The following ME3 variants were observed in gnomAD, a reference collection of about 807,000 sequenced individuals.
ME3 encodes malic enzyme 3.
A neutral mutation model predicts 68.9 loss-of-function variants in ME3; 48 were observed. That is an observed-to-expected ratio of 0.70 (90% CI 0.55 to 0.89). The LOEUF (loss-of-function observed/expected upper bound fraction) is 0.89, where lower values mean the gene tolerates loss of function less well. Ranked by LOEUF, ME3 falls within the 40% of genes least tolerant of loss-of-function variation. The probability of loss-of-function intolerance (pLI) is 0.00; values close to 1 mark genes in which losing one functional copy is unlikely to be tolerated. For missense variants in ME3, 675 were observed against 797.4 expected, an observed-to-expected ratio of 0.85 and a Z score of 1.85; for synonymous variants, 320 against 318.8, an observed-to-expected ratio of 1.00 and a Z score of -0.04.
At chr11:86,647,025 C>A (rs1242238141) in intron 2 of ME3, among the ~76,000 whole-genome samples, 2 of 152,154 alleles carry the variant, frequency 1.3e-5, no homozygotes, top group Non-Finnish European at 2.9e-5. Context: ...ACTACCAGGC[C>A]TGCCTTACAA....
At chr11:86,541,983 A>T (rs937679451) in intron 4 of ME3, among the ~76,000 whole-genome samples, 1 of 152,230 alleles carries the variant, frequency 6.6e-6, no homozygotes, top group Admixed American at 6.5e-5. Flanking sequence ...GCTGGTCTGC[A>T]GCCTCCGCTG....
At chr11:86,662,042 A>G (rs1255020946) in intron 2 of ME3, among the ~76,000 whole-genome samples, 1 of 152,228 alleles carries the variant, frequency 6.6e-6, no homozygotes, top group Non-Finnish European at 1.5e-5. Flanking sequence ...AGCTCTAAGA[A>G]TCTACAATTC....
intron 2 of ME3, among the ~76,000 whole-genome samples, chr11:86,611,236 C>T (rs1158931159): frequency 1.3e-5 from 2 of 151,910 alleles, no homozygotes; most frequent in Admixed American, 6.6e-5. Context: ...TGCCAGGGCC[C>T]GGGGTGTGGG....
At chr11:86,442,940 G>T in intron 13 of ME3, 21 bp from the exon 14 acceptor site, 1 of 1,583,456 alleles carries the variant, frequency 6.3e-7, no homozygotes, top group South Asian at 1.1e-5. Context: ...GGAGAGAACC[G>T]AGAGGAATAA....
rs1555206746 is a variant in ME3 at position 86,475,874 on chromosome 11, T to TAGAGAGAGAGAGAG, written c.810-10688_810-10675dup. ...CAGTATATATATATATATATATATATAGAGAGAGAGAGAGAGAGAGAGAGA... is the reference window on the plus strand; with the variant it reads ...CAGTATATATATATATATATATATATAGAGAGAGAGAGAGAGAGAGAGAGAGAGAGAGAGAGAGA... On this transcript the variant is annotated intron_variant, in intron 7 of 14. Coordinates refer to ENST00000543262, the Ensembl canonical transcript of ME3. Among the ~76,000 whole-genome samples, 259 of 91,442 alleles carry TAGAGAGAGAGAGAG rather than the reference T, an allele frequency of 2.8e-3. 1 individual carries two copies. The highest frequency in any genetic ancestry group is 4.0e-3 in the Non-Finnish European group (195 of 48,440). 60.0% of individuals were successfully genotyped at this position (91,442 alleles called of 152,430 possible).
intron 7 of ME3, among the ~76,000 whole-genome samples, chr11:86,483,871 C>A (rs1265918490): frequency 6.6e-6 from 1 of 152,184 alleles, no homozygotes; most frequent in Non-Finnish European, 1.5e-5. Flanking sequence ...CTGTAAGTAA[C>A]AGAAATGAAA....
At chr11:86,456,673 G>C (rs550901306) in intron 8 of ME3, among the ~76,000 whole-genome samples, 1 of 152,192 alleles carries the variant, frequency 6.6e-6, no homozygotes, top group Admixed American at 6.5e-5. Flanking sequence ...GCAGAGGGAA[G>C]TGAACTTAGG....
chr11:86,582,992 A>C (rs1295135411), intron 2 of ME3, among the ~76,000 whole-genome samples: 2 of 152,156 alleles, frequency 1.3e-5, no homozygotes, highest in African/African-American at 4.8e-5. Flanking sequence ...TGAGAAACCA[A>C]GATCAGAGGC....
At chr11:86,658,420 G>A (rs1239855121) in intron 2 of ME3, among the ~76,000 whole-genome samples, 1 of 151,924 alleles carries the variant, frequency 6.6e-6, no homozygotes, top group Non-Finnish European at 1.5e-5. Flanking sequence ...ACTGCACTCA[G>A]CCTGCAATTT....
At chr11:86,584,689 T>A (rs910068206) in intron 2 of ME3, among the ~76,000 whole-genome samples, 4 of 152,208 alleles carry the variant, frequency 2.6e-5, no homozygotes, top group Non-Finnish European at 5.9e-5. Flanking sequence ...AATGAGCCAG[T>A]CACAGAAGGA....
intron 2 of ME3, among the ~76,000 whole-genome samples, chr11:86,582,158 G>A (rs1565169529): frequency 6.6e-6 from 1 of 152,228 alleles, no homozygotes; most frequent in East Asian, 1.9e-4. Flanking sequence ...TCCATGGGTG[G>A]CCTTTAATAG....
At chr11:86,495,471 A>C (rs751755223) in intron 6 of ME3, among the ~76,000 whole-genome samples, 1 of 152,214 alleles carries the variant, frequency 6.6e-6, no homozygotes, top group Non-Finnish European at 1.5e-5. Flanking sequence ...ATCAAACTCA[A>C]TCTGTTCCAA....
At chr11:86,533,414 G>A (rs1955404850) in intron 4 of ME3, among the ~76,000 whole-genome samples, 1 of 152,048 alleles carries the variant, frequency 6.6e-6, no homozygotes, top group Non-Finnish European at 1.5e-5. Flanking sequence ...TGAATTCTTG[G>A]CAACATAGTA....
intron 13 of ME3, among the ~76,000 whole-genome samples, 165 bp downstream of exon 13, chr11:86,446,149 A>C (rs1428428055): frequency 6.6e-6 from 1 of 152,224 alleles, no homozygotes. Context: ...TGAAGAAGTC[A>C]AGCTTCAAGG....
At position 86,639,293 on chromosome 11, in the gene ME3, T is replaced by G. The variant is rs118186498; in HGVS notation, c.183+32469A>C. 3.8e-3 allele frequency among the ~76,000 whole-genome samples: 551 copies of G among 143,348 alleles called. 4 individuals carry two copies. Among genetic ancestry groups the G allele is most frequent in the Non-Finnish European group, 6.7e-3 (440 of 65,782 alleles). 94.0% of individuals were successfully genotyped at this position (143,348 alleles called of 152,430 possible). A position where few individuals can be genotyped will look rare whatever the true frequency, so the allele number is the denominator to read the frequency against. On this transcript the variant is annotated intron_variant, in intron 2 of 14. Transcript: ENST00000543262. The stretch of plus-strand genomic sequence containing the variant: ...AAATGCATGAGCTGAGTCTCCCTAA[T>G]GTACATAATGTGTTTCCACAAGATC...
chr11:86,476,301 G>A (rs1951079767), intron 7 of ME3, among the ~76,000 whole-genome samples: 1 of 152,210 alleles, frequency 6.6e-6, no homozygotes, highest in Non-Finnish European at 1.5e-5. Flanking sequence ...CGAGCACGAA[G>A]GCTCTGCCTC....
At chr11:86,639,839 T>C (rs1944556662) in intron 2 of ME3, among the ~76,000 whole-genome samples, 1 of 152,202 alleles carries the variant, frequency 6.6e-6, no homozygotes, top group Admixed American at 6.5e-5. Flanking sequence ...TGAAAGTCTC[T>C]AAGAAGGGCA....
At chr11:86,447,873 AAAGAC>A (rs1434691731) in intron 11 of ME3, among the ~76,000 whole-genome samples, 1 of 141,770 alleles carries the variant, frequency 7.1e-6, no homozygotes, top group Non-Finnish European at 1.6e-5. Context: ...AAAAAAAAAA[AAAGAC>A]AGAGAGAAAG....
At chr11:86,521,455 A>AATAATAATAATAATAATAATAAT (rs57608294) in intron 4 of ME3, among the ~76,000 whole-genome samples, 10 of 114,680 alleles carry the variant, frequency 8.7e-5, no homozygotes, top group South Asian at 2.8e-4. Context: ...ATAATAATAA[A>AATAATAATAATAATAATAATAAT]AAAATGGAGC....
Sources: allele counts gnomAD v4.1 joint callset (sites outside exome capture counted in the v4.1 genomes callset), GRCh38; gene constraint gnomAD v4.1.1; transcripts MANE v1.5; gene names NCBI Gene and HGNC (gene_info 2026-07-23, HGNC 2026-07-21).